The following SSRP1 variants were observed in gnomAD, a reference collection of about 807,000 sequenced individuals.
SSRP1 encodes FACT complex subunit SSRP1.
SSRP1 carries 21 observed loss-of-function variants against 84.4 expected under a neutral mutation model. The ratio of observed to expected loss-of-function variants is 0.25; its 90% confidence interval spans 0.18 to 0.36. The LOEUF (loss-of-function observed/expected upper bound fraction) is 0.36. Among genes scored for constraint, SSRP1 ranks in the 10% least tolerant of loss-of-function variants. The pLI, the probability that SSRP1 is intolerant of heterozygous loss-of-function variation, is 1.00. For synonymous variants in SSRP1, 319 were observed against 318.3 expected (o/e 1.00, Z -0.02); for missense variants, 519 against 900.8 (o/e 0.58, Z 5.43).
chr11:57,332,144 ACT>A lies in SSRP1; in HGVS notation c.1001+6_1001+7del. On this transcript the variant is annotated splice_donor_region_variant and intron_variant, in intron 8 of 16. Transcript: ENST00000278412. The surrounding 1 kb of genome is among the most constrained non-coding windows in gnomAD (Gnocchi z 5.5). ...AGGCAGGGCAGGATCCCAGGCCCAC[ACT>A]CTCACCCTTGGAAGTTGCCTGGCAC... 1 of 1,613,088 alleles carries A rather than the reference ACT, an allele frequency of 6.2e-7. No individual in the cohort carries two copies.
rs1856002867 is a variant in SSRP1, at chr11:57,327,181, T to C, written c.1871+245A>G. Reference sequence around the variant, plus strand: ...GCACTGCACTCCATAATAGTATTTTTTTCGTTCCCCCATACCTTCAAATAA... The same window carrying C: ...GCACTGCACTCCATAATAGTATTTTCTTCGTTCCCCCATACCTTCAAATAA... On this transcript the variant is annotated intron_variant, in intron 15 of 16. Coordinates refer to ENST00000278412, the MANE Select transcript of SSRP1 (RefSeq NM_003146.3). The C allele has an allele frequency of 7.6e-6, 5 of 656,174 alleles. No individual in the cohort carries two copies. In the South Asian group the frequency reaches 1.0e-4, roughly 13 times the overall value. The allele number at this position is 656,174 out of a possible 1,614,324, so 40.6% of individuals were successfully genotyped here.
intron 3 of SSRP1, 60 bp downstream of exon 3, chr11:57,334,403 T>C (rs1376694956): frequency 3.2e-6 from 5 of 1,584,322 alleles, no homozygotes; most frequent in Non-Finnish European, 3.4e-6. Context: ...CTCGAGTCTC[T>C]AGAAGATTAA....
At position 57,326,839 on chromosome 11, in the gene SSRP1, G is replaced by A. The variant is rs777370098; in HGVS notation, c.1922C>T (p.Ser641Phe). The change falls in exon 16 of 17, where the codon TCC becomes TTC. Residue 641 changes from serine (S) to phenylalanine (F), a missense_variant. Coordinates refer to ENST00000278412, the MANE Select transcript of SSRP1 (RefSeq NM_003146.3). Reference protein sequence around the residue: ...KKVKVKMEKKSTPSRGSSSKS... With the variant: ...KKVKVKMEKKFTPSRGSSSKS... The stretch of plus-strand genomic sequence containing the variant: ...GGATGATGAGCCCCTAGAGGGCGTG[G>A]ATTTCTTTTCCATCTTTACCTTTAC... 1.9e-6 allele frequency: 3 copies of A among 1,613,960 alleles called. No homozygotes were observed. Among genetic ancestry groups the A allele is most frequent in the African/African-American group, 2.7e-5 (2 of 74,924 alleles).
In SSRP1 at chr11:57,327,171, A is replaced by G. The variant is rs1856002640; in HGVS notation, c.1871+255T>C. 9.1e-6 allele frequency: 6 copies of G among 657,464 alleles called. No homozygotes were observed. The Admixed American group carries it at 1.8e-4, about 19-fold the overall frequency. 40.7% of individuals were successfully genotyped at this position (657,464 alleles called of 1,614,324 possible). A position where few individuals can be genotyped will look rare whatever the true frequency, so the allele number is the denominator to read the frequency against. ...TGCAAACTGTGCACTGCACTCCATA[A>G]TAGTATTTTTTTCGTTCCCCCATAC... On this transcript the variant is annotated intron_variant, in intron 15 of 16. Coordinates refer to ENST00000278412, the MANE Select transcript of SSRP1 (RefSeq NM_003146.3).
In SSRP1 at chr11:57,332,141, C is replaced by T; in HGVS notation, c.1001+11G>A. ...CCCAGGCAGGGCAGGATCCCAGGCC[C>T]ACACTCTCACCCTTGGAAGTTGCCT... is the stretch of plus-strand genomic sequence containing the variant. On this transcript the variant is annotated intron_variant, in intron 8 of 16. Coordinates refer to ENST00000278412, the MANE Select transcript of SSRP1 (RefSeq NM_003146.3). This position sits in a 1 kb window ranked among gnomAD's most constrained non-coding sequence, Gnocchi z 5.5. 6.2e-7 allele frequency: 1 copy of T among 1,613,330 alleles called. No homozygotes were observed. Among genetic ancestry groups the T allele is most frequent in the Non-Finnish European group, 8.5e-7 (1 of 1,179,912 alleles).
Position 57,334,273 on chromosome 11 carries a change from A to C in SSRP1, c.240+190T>G, listed in dbSNP as rs547384513. On this transcript the variant is annotated intron_variant, in intron 3 of 16. Coordinates refer to ENST00000278412, the MANE Select transcript of SSRP1 (RefSeq NM_003146.3). The stretch of plus-strand genomic sequence containing the variant: ...GACAGAAGAAAATCTTCTGGAGTCA[A>C]GGCACACAGAAATTCACAAGACTTC... Among the ~76,000 whole-genome samples, 12 of 152,374 alleles carry C rather than the reference A, an allele frequency of 7.9e-5. No individual in the cohort carries two copies. In the South Asian group the frequency reaches 1.0e-3, roughly 13 times the overall value.
chr11:57,326,392 A>T lies in SSRP1; in HGVS notation c.*15T>A. On this transcript the variant is annotated 3_prime_UTR_variant, in exon 17 of 17. Transcript: ENST00000278412. ...GGTGTGAGAAGGCAAGCGCAAAGAG[A>T]ACCTTCCTCCGTTTCTACTCATCGG... The T allele has an allele frequency of 6.2e-7, 1 of 1,613,934 alleles. No individual in the cohort carries two copies. The highest frequency in any genetic ancestry group is 8.5e-7 in the Non-Finnish European group (1 of 1,179,892).
In SSRP1 at chr11:57,330,547, G is replaced by A. The variant is rs1590607464; in HGVS notation, c.1297-118C>T. 2 of 1,496,158 alleles carry A rather than the reference G, an allele frequency of 1.3e-6. No individual in the cohort carries two copies. Among genetic ancestry groups the A allele is most frequent in the Non-Finnish European group, 1.8e-6 (2 of 1,121,550 alleles). The allele number at this position is 1,496,158 out of a possible 1,614,324, so 92.7% of individuals were successfully genotyped here. ...AGCAGCAGCTCCCAGAAGACCTGGGGCTGGATTGTCCACACACAGCCAACG... is the reference window on the plus strand; with the variant it reads ...AGCAGCAGCTCCCAGAAGACCTGGGACTGGATTGTCCACACACAGCCAACG... On this transcript the variant is annotated intron_variant, in intron 10 of 16. Transcript: ENST00000278412. This position sits in a 1 kb window ranked among gnomAD's most constrained non-coding sequence, Gnocchi z 4.0.
Position 57,332,872 on chromosome 11 carries a change from T to TG in SSRP1, c.538-18dup. 3 of 1,603,994 alleles carry TG rather than the reference T, an allele frequency of 1.9e-6. No homozygotes were observed. Among genetic ancestry groups the TG allele is most frequent in the Non-Finnish European group, 2.6e-6 (3 of 1,172,724 alleles). On this transcript the variant is annotated splice_polypyrimidine_tract_variant and intron_variant, in intron 5 of 16. Transcript: ENST00000278412. The surrounding 1 kb of genome is among the most constrained non-coding windows in gnomAD (Gnocchi z 5.5). ...GGCAAAGGCCTGCAAAAGCACATAT[T>TG]GGTAGCCAAGCAGCAGGCCCTGCTC...
chr11:57,331,557 A>G (rs1283124016), intron 9 of SSRP1, 111 bp downstream of exon 9: 13 of 798,926 alleles, frequency 1.6e-5, no homozygotes, highest in Non-Finnish European at 2.3e-5. Context: ...TGATGTAGCA[A>G]AAGAAAAATT....
intron 12 of SSRP1, chr11:57,329,263 G>A (rs1209814950): frequency 1.3e-5 from 2 of 152,194 alleles, no homozygotes; most frequent in Non-Finnish European, 2.9e-5. Context: ...TCTGGATTAA[G>A]AGAGCAGAGT....
At position 57,330,161 on chromosome 11, in the gene SSRP1, T is replaced by C; in HGVS notation, c.1436-23A>G. The C allele has an allele frequency of 6.2e-7, 1 of 1,614,154 alleles. No homozygotes were observed. The highest frequency in any genetic ancestry group is 8.5e-7 in the Non-Finnish European group (1 of 1,180,026). On this transcript the variant is annotated intron_variant, in intron 11 of 16. Coordinates refer to ENST00000278412, the MANE Select transcript of SSRP1 (RefSeq NM_003146.3). The surrounding 1 kb of genome is among the most constrained non-coding windows in gnomAD (Gnocchi z 4.0). ...CATCTGAAAAAGGGCACAGGATGCA[T>C]CAGCTTCTGCCCCAATGGAAATCCC...
At chr11:57,326,596 C>T in intron 16 of SSRP1, 107 bp downstream of exon 16, 1 of 1,581,944 alleles carries the variant, frequency 6.3e-7, no homozygotes, top group South Asian at 1.1e-5. Context: ...TTCAGAACCT[C>T]AGAATTCCAC....
chr11:57,330,499 C>G lies in SSRP1; in HGVS notation c.1297-70G>C. ...CAGAATCCCTGCACACTCAAAAGCA[C>G]ACCCCCATGCCTGTCAAGTCAGAGC... On this transcript the variant is annotated intron_variant, in intron 10 of 16. Coordinates refer to ENST00000278412, the MANE Select transcript of SSRP1 (RefSeq NM_003146.3). The surrounding 1 kb of genome is among the most constrained non-coding windows in gnomAD (Gnocchi z 4.0). The G allele has an allele frequency of 1.3e-6, 2 of 1,590,112 alleles. No individual in the cohort carries two copies. Among genetic ancestry groups the G allele is most frequent in the Non-Finnish European group, 1.7e-6 (2 of 1,170,154 alleles).
intron 9 of SSRP1, 113 bp from the exon 10 acceptor site, chr11:57,331,040 C>T (rs1350707394): frequency 8.5e-7 from 1 of 1,183,130 alleles, no homozygotes; most frequent in African/African-American, 1.5e-5. Flanking sequence ...GAGCTCTTGA[C>T]TATGCTACCC....
Position 57,332,195 on chromosome 11 carries a change from C to T in SSRP1, c.958G>A (p.Ala320Thr), listed in dbSNP as rs369372594. Residue 320 changes from alanine (A) to threonine (T), a missense_variant, in exon 8 of 17, where the codon GCA becomes ACA. Coordinates refer to ENST00000278412, the MANE Select transcript of SSRP1 (RefSeq NM_003146.3). This position sits in a 1 kb window ranked among gnomAD's most constrained non-coding sequence, Gnocchi z 5.5. ...LYEMVSRVMK[A>T]LVNRKITVPG... ...ACTGTGATCTTGCGGTTTACCAGTG[C>T]TTTCATGACCCGGCTGACCATCTCA... 1 of 1,614,000 alleles carries T rather than the reference C, an allele frequency of 6.2e-7. No individual in the cohort carries two copies. The highest frequency in any genetic ancestry group is 8.5e-7 in the Non-Finnish European group (1 of 1,180,024).
chr11:57,333,247 G>T (rs554124752), intron 4 of SSRP1, 98 bp from the exon 5 acceptor site: 4 of 1,382,782 alleles, frequency 2.9e-6, no homozygotes, highest in South Asian at 1.3e-5. Flanking sequence ...AGGATACTGC[G>T]GTTAGTCTGT....
chr11:57,326,932 C>T (rs769889551), intron 15 of SSRP1, 43 bp from the exon 16 acceptor site: 1 of 1,517,216 alleles, frequency 6.6e-7, no homozygotes, highest in African/African-American at 1.4e-5. Context: ...TTCAGGTCCC[C>T]TGTCACCATG....
intron 2 of SSRP1, 21 bp from the exon 3 acceptor site, chr11:57,334,669 G>C: frequency 6.2e-7 from 1 of 1,612,962 alleles, no homozygotes; most frequent in Non-Finnish European, 8.5e-7. Context: ...AGCAGGCCCA[G>C]ATGCATGGAG....
Sources: gnomAD v4.1 joint callset for allele counts (sites outside exome capture counted in the v4.1 genomes callset) on GRCh38, gnomAD v4.1.1 for gene constraint, Gnocchi (gnomAD v3.1) non-coding constraint, MANE v1.5 for transcripts, NCBI Gene and HGNC (gene_info 2026-07-23, HGNC 2026-07-21) for gene names.